The following WASF1 variants were observed in gnomAD, a reference collection of about 807,000 sequenced individuals.
WASF1 encodes actin-binding protein WASF1.
In WASF1, 7 loss-of-function variants were observed where a neutral mutation model predicts 50.5. The observed-to-expected ratio is 0.14, with a 90% CI of 0.08 to 0.26. The LOEUF is 0.26. Ranked by LOEUF, WASF1 falls within the 10% of genes least tolerant of loss-of-function variation. The pLI is 1.00. For synonymous variants in WASF1, 205 were observed against 244.0 expected, an observed-to-expected ratio of 0.84 and a Z score of 1.49; for missense variants, 470 against 694.7, an observed-to-expected ratio of 0.68 and a Z score of 3.64.
intron 3 of WASF1, among the ~76,000 whole-genome samples, chr6:110,153,342 G>T (rs1456559516): frequency 6.6e-6 from 1 of 152,044 alleles, no homozygotes; most frequent in Admixed American, 6.6e-5. Flanking sequence ...TACTGTTCTG[G>T]TTTCTGTTCC....
chr6:110,120,087 C>T lies in WASF1; in HGVS notation c.134-6627G>A, dbSNP rs990212948. Among the ~76,000 whole-genome samples the T allele has an allele frequency of 2.2e-4, 33 of 152,138 alleles. 1 individual carries two copies. Among genetic ancestry groups the T allele is most frequent in the African/African-American group, 8.0e-4 (33 of 41,434 alleles). The stretch of plus-strand genomic sequence containing the variant: ...TAACAAACCCATAGCCAAAATCATA[C>T]TGAATAGGCAAAAACTGGAAGCACT... On this transcript the variant is annotated intron_variant, in intron 4 of 10. Coordinates refer to ENST00000392589, the MANE Select transcript of WASF1 (RefSeq NM_003931.3).
intron 2 of WASF1, among the ~76,000 whole-genome samples, chr6:110,169,847 GC>G (rs1430527999): frequency 3.9e-5 from 6 of 152,124 alleles, no homozygotes; most frequent in Non-Finnish European, 5.9e-5. Context: ...TTAGTACAAT[GC>G]CTAGCATATA....
intron 3 of WASF1, among the ~76,000 whole-genome samples, chr6:110,135,976 C>T (rs186852396): frequency 1.5e-4 from 23 of 150,290 alleles, no homozygotes; most frequent in African/African-American, 5.2e-4. Flanking sequence ...CTCCGCCTCC[C>T]GGGTTCATGC....
At position 110,107,212 on chromosome 6, in the gene WASF1, A is replaced by G. The variant is rs775936207; in HGVS notation, c.423-18T>C. 7 of 1,488,010 alleles carry G rather than the reference A, an allele frequency of 4.7e-6. No homozygotes were observed. In the Admixed American group the frequency reaches 1.4e-4, roughly 30 times the overall value. The allele number at this position is 1,488,010 out of a possible 1,614,324, so 92.2% of individuals were successfully genotyped here. On this transcript the variant is annotated intron_variant, in intron 6 of 10. Transcript: ENST00000392589. Reference sequence around the variant, plus strand: ...CATCATCTCTGAAATATAAAATATCAATTAAAACACACATTAGTAAGACTT... The same window carrying G: ...CATCATCTCTGAAATATAAAATATCGATTAAAACACACATTAGTAAGACTT...
intron 6 of WASF1, 113 bp from the exon 7 acceptor site, chr6:110,107,307 A>C: frequency 1.5e-6 from 1 of 655,726 alleles, no homozygotes; most frequent in Non-Finnish European, 2.5e-6. Flanking sequence ...CAGCATGTTA[A>C]AATAGTGCCA....
chr6:110,179,549 TG>T lies in WASF1; in HGVS notation c.-383del, dbSNP rs1436370534. 1 of 151,936 alleles carries T rather than the reference TG, an allele frequency of 6.6e-6. No homozygotes were observed. The highest frequency in any genetic ancestry group is 2.0e-4 in the East Asian group (1 of 5,112). 9.4% of individuals were successfully genotyped at this position (151,936 alleles called of 1,614,324 possible). A position where few individuals can be genotyped will look rare whatever the true frequency, so the allele number is the denominator to read the frequency against. ...TAGAGCCCCCAGGAGGGTCGGGCTC[TG>T]GGGCGGAACCCGCTCAGGGCAGCGG... On this transcript the variant is annotated 5_prime_UTR_variant, in exon 1 of 11. Transcript: ENST00000392589.
intron 2 of WASF1, among the ~76,000 whole-genome samples, chr6:110,168,477 T>C (rs1352955157): frequency 3.3e-5 from 5 of 152,190 alleles, no homozygotes; most frequent in African/African-American, 1.2e-4. Flanking sequence ...TCTATCACAA[T>C]GAAAAAGACT....
intron 2 of WASF1, among the ~76,000 whole-genome samples, chr6:110,163,382 G>T (rs1458596659): frequency 1.3e-5 from 2 of 151,516 alleles, no homozygotes; most frequent in Non-Finnish European, 3.0e-5. Context: ...TGCTAGCATG[G>T]TCAGGTTCTA....
chr6:110,105,068 C>CA (rs1773258948), intron 8 of WASF1, among the ~76,000 whole-genome samples: 1 of 151,952 alleles, frequency 6.6e-6, no homozygotes, highest in African/African-American at 2.4e-5. Context: ...AACAGTATTT[C>CA]AAAAAAACCC....
chr6:110,169,696 C>T (rs1266234079), intron 2 of WASF1, among the ~76,000 whole-genome samples: 3 of 152,070 alleles, frequency 2.0e-5, no homozygotes, highest in Admixed American at 6.6e-5. Context: ...CAGGGGTAAG[C>T]CCAAGGCAGT....
At chr6:110,117,400 GAA>G (rs2114487391) in intron 4 of WASF1, among the ~76,000 whole-genome samples, 1 of 152,224 alleles carries the variant, frequency 6.6e-6, no homozygotes, top group African/African-American at 2.4e-5. Flanking sequence ...TCAAGTGGAA[GAA>G]AGAATATCAG....
At chr6:110,145,657 T>G (rs900262498) in intron 3 of WASF1, among the ~76,000 whole-genome samples, 3 of 151,954 alleles carry the variant, frequency 2.0e-5, no homozygotes, top group African/African-American at 2.4e-5. Flanking sequence ...TTATTGAGAG[T>G]TTTTAGCATG....
intron 7 of WASF1, among the ~76,000 whole-genome samples, chr6:110,105,953 C>T (rs535887993): frequency 9.9e-5 from 15 of 152,224 alleles, no homozygotes; most frequent in South Asian, 2.1e-4. Context: ...CTAATCAAAA[C>T]GTAACAATTT....
intron 4 of WASF1, 42 bp from the exon 5 acceptor site, chr6:110,113,502 G>A (rs1044591569): frequency 2.6e-6 from 4 of 1,524,948 alleles, no homozygotes. Flanking sequence ...TTAACATCCA[G>A]AGCACTGAGT....
chr6:110,113,187 C>T, intron 5 of WASF1, 139 bp downstream of exon 5: 1 of 731,992 alleles, frequency 1.4e-6, no homozygotes, highest in Non-Finnish European at 1.9e-6. Flanking sequence ...AGATAATTCA[C>T]TGATTTATTA....
At chr6:110,153,390 C>A (rs1028603247) in intron 3 of WASF1, among the ~76,000 whole-genome samples, 3 of 151,932 alleles carry the variant, frequency 2.0e-5, no homozygotes, top group Admixed American at 2.0e-4. Context: ...ACTAGCTGTA[C>A]AATGTAATGA....
At chr6:110,124,264 C>CTATA (rs1774305273) in intron 4 of WASF1, among the ~76,000 whole-genome samples, 1 of 62,834 alleles carries the variant, frequency 1.6e-5, no homozygotes, top group Non-Finnish European at 2.8e-5. Context: ...CTCTCTCTCT[C>CTATA]TCTCTCTCTC....
chr6:110,154,826 G>A (rs958988099), intron 3 of WASF1, among the ~76,000 whole-genome samples: 3 of 151,972 alleles, frequency 2.0e-5, no homozygotes, highest in Non-Finnish European at 2.9e-5. Context: ...AAAAAAATCA[G>A]GGAATTTGGA....
chr6:110,124,270 C>CTA (rs1472747620), intron 4 of WASF1, among the ~76,000 whole-genome samples: 61 of 52,452 alleles, frequency 1.2e-3, no homozygotes, highest in Non-Finnish European at 1.5e-3. Flanking sequence ...CTCTCTCTCT[C>CTA]TCTCTATATA....
Sources: gnomAD v4.1 joint callset for allele counts (sites outside exome capture counted in the v4.1 genomes callset) on GRCh38, gnomAD v4.1.1 for gene constraint, MANE v1.5 for transcripts, NCBI Gene and HGNC (gene_info 2026-07-23, HGNC 2026-07-21) for gene names.